RFX3: variants seen among roughly 807,000 people sequenced by gnomAD.
RFX3 encodes the protein regulatory factor X3.
Under a neutral mutation model 98.6 loss-of-function variants are expected in RFX3, and 14 were observed. The ratio of observed to expected loss-of-function variants is 0.14; its 90% CI spans 0.09 to 0.22. The LOEUF (loss-of-function observed/expected upper bound fraction) is 0.22, where lower values mean the gene tolerates loss of function less well. RFX3 is among the 10% of genes least tolerant of loss of function. The probability of loss-of-function intolerance (pLI) is 1.00; values close to 1 mark genes in which losing one functional copy is unlikely to be tolerated. For missense variants in RFX3, 639 were observed against 926.9 expected (o/e 0.69, Z 4.03); for synonymous variants, 383 against 328.4 (o/e 1.17, Z -1.80).
chr9:3,443,282 G>A (rs943788554), intron 1 of RFX3, among the ~76,000 whole-genome samples: 2 of 152,136 alleles, frequency 1.3e-5, no homozygotes, highest in Non-Finnish European at 2.9e-5. Context: ...ATGGTTTGGT[G>A]CACAGATCAT....
At chr9:3,363,480 G>T (rs763191530) in intron 2 of RFX3, among the ~76,000 whole-genome samples, 16 of 152,124 alleles carry the variant, frequency 1.1e-4, no homozygotes, top group South Asian at 2.1e-4. Context: ...GTTCTTTCAG[G>T]GTATAGAACT....
intron 1 of RFX3, among the ~76,000 whole-genome samples, chr9:3,485,804 A>G (rs1459308878): frequency 2.6e-5 from 4 of 152,144 alleles, no homozygotes. Flanking sequence ...TAATCCAAGA[A>G]CTTTAAACCT....
chr9:3,263,174 T>C, intron 12 of RFX3, 90 bp from the exon 13 acceptor site: 3 of 1,368,018 alleles, frequency 2.2e-6, no homozygotes, highest in Non-Finnish European at 3.1e-6. Context: ...TTCACAAATT[T>C]TAAATGCTTG....
chr9:3,403,051 A>G (rs1194359294), intron 1 of RFX3, among the ~76,000 whole-genome samples: 1 of 152,096 alleles, frequency 6.6e-6, no homozygotes, highest in Non-Finnish European at 1.5e-5. Flanking sequence ...GTCACGTACT[A>G]CATTTAAATA....
chr9:3,483,102 T>C (rs560656837), intron 1 of RFX3, among the ~76,000 whole-genome samples: 403 of 152,290 alleles, frequency 2.6e-3, no homozygotes, highest in Non-Finnish European at 4.5e-3. Context: ...TAAAATCAAT[T>C]ATTCCACTTG....
chr9:3,398,989 T>C (rs960344166), intron 1 of RFX3, among the ~76,000 whole-genome samples: 2 of 148,154 alleles, frequency 1.3e-5, no homozygotes, highest in African/African-American at 5.0e-5. Flanking sequence ...ATAAGCCACC[T>C]GGGAGAGCAT....
intron 4 of RFX3, among the ~76,000 whole-genome samples, chr9:3,323,720 T>A (rs1292438027): frequency 2.6e-5 from 4 of 152,170 alleles, no homozygotes; most frequent in East Asian, 1.9e-4. Context: ...AAAAATAAAA[T>A]AATTCATTAT....
At chr9:3,241,345 C>A (rs1159802929) in intron 15 of RFX3, among the ~76,000 whole-genome samples, 3 of 151,782 alleles carry the variant, frequency 2.0e-5, no homozygotes, top group African/African-American at 7.3e-5. Context: ...TTTAGGGTAC[C>A]TATTGCATGA....
chr9:3,465,124 C>A (rs552565012), intron 1 of RFX3, among the ~76,000 whole-genome samples: 1 of 152,100 alleles, frequency 6.6e-6, no homozygotes, highest in South Asian at 2.1e-4. Flanking sequence ...CATTCTTTTC[C>A]AGAGGGGAAC....
intron 1 of RFX3, among the ~76,000 whole-genome samples, chr9:3,463,707 A>G (rs749098922): frequency 7.9e-5 from 12 of 152,202 alleles, no homozygotes; most frequent in Admixed American, 2.6e-4. Context: ...ACTGGGGCTC[A>G]TGCTTATAAT....
At chr9:3,254,990 G>A (rs924030778) in intron 14 of RFX3, among the ~76,000 whole-genome samples, 1 of 152,102 alleles carries the variant, frequency 6.6e-6, no homozygotes, top group African/African-American at 2.4e-5. Flanking sequence ...CAGGACTGTG[G>A]AATTGTACCA....
chr9:3,297,363 C>T (rs1828120548), intron 5 of RFX3, among the ~76,000 whole-genome samples: 1 of 152,026 alleles, frequency 6.6e-6, no homozygotes. Context: ...GATTACTCTA[C>T]TTATGAACTA....
At chr9:3,439,655 C>T (rs909780212) in intron 1 of RFX3, among the ~76,000 whole-genome samples, 1 of 151,958 alleles carries the variant, frequency 6.6e-6, no homozygotes, top group Non-Finnish European at 1.5e-5. Flanking sequence ...AATTCAAAAA[C>T]CTTCCCACAA....
chr9:3,302,788 T>C (rs923311714), intron 4 of RFX3, among the ~76,000 whole-genome samples: 5 of 151,842 alleles, frequency 3.3e-5, no homozygotes, highest in African/African-American at 1.2e-4. Flanking sequence ...AATTTCTTTA[T>C]GGTAAAACAC....
intron 1 of RFX3, chr9:3,488,875 C>G: frequency 7.1e-6 from 7 of 984,868 alleles, no homozygotes; most frequent in Non-Finnish European, 8.4e-6. Context: ...CCCAAAGAAA[C>G]TAGAGTATCC....
chr9:3,290,999 G>C (rs991819369), intron 6 of RFX3, among the ~76,000 whole-genome samples: 1 of 152,176 alleles, frequency 6.6e-6, no homozygotes, highest in Non-Finnish European at 1.5e-5. Context: ...TTCCAGAGGG[G>C]TCCTCCTATA....
intron 1 of RFX3, among the ~76,000 whole-genome samples, chr9:3,427,515 A>T (rs1439949821): frequency 6.8e-6 from 1 of 147,236 alleles, no homozygotes; most frequent in Admixed American, 6.9e-5. Context: ...TATTGTTACT[A>T]TATAAATAAT....
chr9:3,372,034 A>C (rs1011114491), intron 2 of RFX3, among the ~76,000 whole-genome samples: 3 of 152,218 alleles, frequency 2.0e-5, no homozygotes, highest in Non-Finnish European at 4.4e-5. Context: ...TAAATATTAC[A>C]TGCCCCAAAT....
At chr9:3,525,576 G>C (rs1239339582) in intron 1 of RFX3, among the ~76,000 whole-genome samples, 171 bp downstream of exon 1, 2 of 151,968 alleles carry the variant, frequency 1.3e-5, no homozygotes, top group African/African-American at 4.8e-5. Context: ...AAACAAGCCC[G>C]GGGAACAGAG....
Sources: gnomAD v4.1 joint callset for allele counts (sites outside exome capture counted in the v4.1 genomes callset) on GRCh38, gnomAD v4.1.1 for gene constraint, MANE v1.5 for transcripts, NCBI Gene and HGNC (gene_info 2026-07-23, HGNC 2026-07-21) for gene names.